Variants in COL28A1 observed in about 807,000 individuals in gnomAD.
The protein encoded by COL28A1 is collagen alpha-1(XXVIII) chain.
A neutral mutation model predicts 150.2 loss-of-function variants in COL28A1; 161 were observed. The ratio of observed to expected loss-of-function variants is 1.07; its 90% CI spans 0.94 to 1.22. The LOEUF (loss-of-function observed/expected upper bound fraction) is 1.22. COL28A1 is among the 50% of genes most tolerant of loss of function. COL28A1 has a pLI of 0.00. For missense variants in COL28A1, 1,617 were observed against 1,388.3 expected (o/e 1.16, Z -2.62); for synonymous variants, 552 against 469.7 (o/e 1.18, Z -2.26).
At chr7:7,541,046 T>C in the COL28A1 span, among the ~76,000 whole-genome samples, 1 of 152,222 alleles carries the variant, frequency 6.6e-6, no homozygotes, top group Non-Finnish European at 1.5e-5. Flanking sequence ...AAAAAAAGTT[T>C]TAAAATAACT....
intron 8 of COL28A1, chr7:7,511,819 A>G (rs1291432677): frequency 2.1e-6 from 1 of 470,700 alleles, no homozygotes. Flanking sequence ...ATTATGCTCT[A>G]CTTCCCTGTC....
intron 1 of COL28A1, 45 bp from the exon 2 acceptor site, chr7:7,532,957 G>T: frequency 3.6e-6 from 5 of 1,403,628 alleles, no homozygotes; most frequent in African/African-American, 1.5e-5. Flanking sequence ...AAAATATGGT[G>T]TTTGTTATTT....
rs1463604816 is a variant in COL28A1, at chr7:7,444,349, C to T, written c.1581+69G>A. 7 of 1,595,952 alleles carry T rather than the reference C, an allele frequency of 4.4e-6. No homozygotes were observed. In the African/African-American group the frequency reaches 6.8e-5, roughly 15 times the overall value. ...TGTCCTGAATGGTTTTATTCGAGCT[C>T]CTGCAGGACCAAGATATCAGTTTGG... is the stretch of plus-strand genomic sequence containing the variant. On this transcript the variant is annotated intron_variant, in intron 19 of 34. Transcript: ENST00000399429.
chr7:7,392,204 C>A (rs902671380), intron 27 of COL28A1, among the ~76,000 whole-genome samples: 2 of 152,158 alleles, frequency 1.3e-5, no homozygotes, highest in Non-Finnish European at 2.9e-5. Flanking sequence ...ATTTGTTTGT[C>A]TGTAAAGGAT....
intron 15 of COL28A1, among the ~76,000 whole-genome samples, chr7:7,458,628 C>A (rs545566619): frequency 1.3e-5 from 2 of 152,258 alleles, no homozygotes; most frequent in South Asian, 2.1e-4. Context: ...TGGCTCAGAG[C>A]TGGACTATTT....
chr7:7,438,049 A>G (rs1312664089), intron 21 of COL28A1, among the ~76,000 whole-genome samples: 1 of 152,028 alleles, frequency 6.6e-6, no homozygotes, highest in Non-Finnish European at 1.5e-5. Context: ...AGCCTGGCCA[A>G]CATGGCAAAA....
chr7:7,497,554 T>C (rs573282758), intron 11 of COL28A1, among the ~76,000 whole-genome samples: 1 of 152,278 alleles, frequency 6.6e-6, no homozygotes, highest in Non-Finnish European at 1.5e-5. Context: ...TATGCCAAAC[T>C]GCCTCTTGAA....
At chr7:7,352,240 A>G (rs1249046492), downstream of COL28A1, among the ~76,000 whole-genome samples, 1 of 152,080 alleles carries the variant, frequency 6.6e-6, no homozygotes, top group Non-Finnish European at 1.5e-5. Context: ...GTTCTTCTTA[A>G]ATGTAAGGAA....
chr7:7,483,763 A>G (rs896844152), intron 13 of COL28A1, among the ~76,000 whole-genome samples: 3 of 152,194 alleles, frequency 2.0e-5, no homozygotes, highest in African/African-American at 7.2e-5. Flanking sequence ...TAGAGACAAA[A>G]AAGAAGTACT....
chr7:7,462,674 CAT>C (rs1787729457), intron 15 of COL28A1, among the ~76,000 whole-genome samples: 1 of 152,104 alleles, frequency 6.6e-6, no homozygotes, highest in African/African-American at 2.4e-5. Context: ...GCCTGACCAA[CAT>C]AGAGAAACCC....
intron 3 of COL28A1, among the ~76,000 whole-genome samples, chr7:7,529,470 G>A (rs1176880504): frequency 1.3e-5 from 2 of 152,094 alleles, no homozygotes; most frequent in South Asian, 2.1e-4. Context: ...GAACAAACAA[G>A]CTGAAATCAC....
rs1562934212 is a variant in COL28A1 at position 7,532,791 on chromosome 7, G to T, written c.85C>A (p.Pro29Thr). The T allele has an allele frequency of 1.2e-6, 2 of 1,610,110 alleles. No homozygotes were observed. Among genetic ancestry groups the T allele is most frequent in the Non-Finnish European group, 8.5e-7 (1 of 1,178,702 alleles). The change falls in exon 2 of 35, where the codon CCA becomes ACA. Residue 29 changes from proline to threonine, a missense_variant. Coordinates refer to ENST00000399429, the MANE Select transcript of COL28A1 (RefSeq NM_001037763.3). ...QTVSGQRKKG[P>T]KSNLLARKSD... is the part of the protein sequence containing the mutation. Reference sequence around the variant, plus strand: ...TTCCTTGCAAGCAAATTTGATTTTGGTCCTTTCTTTCTTTGTCCGGATACT... The same window carrying T: ...TTCCTTGCAAGCAAATTTGATTTTGTTCCTTTCTTTCTTTGTCCGGATACT...
chr7:7,416,747 A>G (rs1784100096), intron 27 of COL28A1, among the ~76,000 whole-genome samples: 1 of 152,210 alleles, frequency 6.6e-6, no homozygotes, highest in African/African-American at 2.4e-5. Flanking sequence ...ACATTGTGTG[A>G]TAAAACTGGA....
Position 7,511,108 on chromosome 7 carries a change from C to T in COL28A1, c.910G>A (p.Gly304Arg). Residue 304 changes from glycine (G) to arginine (R), a missense_variant, in exon 9 of 35, where the codon GGG becomes AGG. Transcript: ENST00000399429. ...KGERGECGKP[G>R]IKGDKGSPGP... is the part of the protein sequence containing the mutation. Reference sequence around the variant, plus strand: ...TTCCTTACCTTGTCACCTTTTATCCCTGGTTTACCACATTCCCCACGTTCA... The same window carrying T: ...TTCCTTACCTTGTCACCTTTTATCCTTGGTTTACCACATTCCCCACGTTCA... 1.2e-6 allele frequency: 2 copies of T among 1,613,336 alleles called. No homozygotes were observed. The highest frequency in any genetic ancestry group is 1.7e-6 in the Non-Finnish European group (2 of 1,179,404).
At chr7:7,500,758 G>A (rs142512486) in intron 11 of COL28A1, among the ~76,000 whole-genome samples, 1 of 152,236 alleles carries the variant, frequency 6.6e-6, no homozygotes, top group African/African-American at 2.4e-5. Flanking sequence ...CTTGTTTACT[G>A]AATCTCCTCA....
the COL28A1 span, among the ~76,000 whole-genome samples, chr7:7,543,267 A>G: frequency 6.6e-6 from 1 of 152,226 alleles, no homozygotes; most frequent in Non-Finnish European, 1.5e-5. Context: ...TTGAACAAGT[A>G]AGACAAAAAT....
At position 7,472,230 on chromosome 7, in the gene COL28A1, G is replaced by C. The variant is rs141358600; in HGVS notation, c.1302+2371C>G. 4.7e-3 allele frequency among the ~76,000 whole-genome samples: 709 copies of C among 152,178 alleles called. 5 individuals carry two copies. The highest frequency in any genetic ancestry group is 0.022 in the East Asian group (115 of 5,182). On this transcript the variant is annotated intron_variant, in intron 15 of 34. Transcript: ENST00000399429. ...CCAAATCAATAAATAGAAAGTCAAA[G>C]TGCCTGTTTGCTGATGATATGATTG... is the stretch of plus-strand genomic sequence containing the variant.
intron 8 of COL28A1, among the ~76,000 whole-genome samples, chr7:7,512,647 G>A (rs17168365): frequency 1.3e-5 from 2 of 152,010 alleles, no homozygotes; most frequent in Non-Finnish European, 2.9e-5. Flanking sequence ...AATGACTAAA[G>A]TTTCATAATC....
downstream of COL28A1, chr7:7,357,720 T>C (rs1780408959): frequency 6.7e-6 from 1 of 148,630 alleles, no homozygotes; most frequent in African/African-American, 2.4e-5. Flanking sequence ...TCAGAACTAA[T>C]GCTCTTCCCA....
Sources: gnomAD v4.1 joint callset for allele counts (sites outside exome capture counted in the v4.1 genomes callset) on GRCh38, gnomAD v4.1.1 for gene constraint, MANE v1.5 for transcripts, NCBI Gene and HGNC (gene_info 2026-07-23, HGNC 2026-07-21) for gene names.